Variants in GNAQ observed in about 807,000 individuals in gnomAD.
GNAQ encodes the protein guanine nucleotide-binding protein G(q) subunit alpha.
A neutral mutation model predicts 43.9 loss-of-function variants in GNAQ; 8 were observed. That is an observed-to-expected ratio of 0.18 (90% CI 0.11 to 0.33). The LOEUF (loss-of-function observed/expected upper bound fraction) is 0.33, where lower values mean the gene tolerates loss of function less well. GNAQ is among the 10% of genes least tolerant of loss of function. GNAQ has a pLI of 1.00. For missense variants in GNAQ, 158 were observed against 450.8 expected (o/e 0.35, Z 5.88); for synonymous variants, 155 against 170.7 (o/e 0.91, Z 0.71).
intron 1 of GNAQ, among the ~76,000 whole-genome samples, chr9:77,985,020 G>A (rs1823416052): frequency 6.6e-6 from 1 of 152,152 alleles, no homozygotes; most frequent in African/African-American, 2.4e-5. Flanking sequence ...GTTTTCAAAA[G>A]AGTTTGTGGG....
At chr9:77,953,621 C>T (rs951404462) in intron 1 of GNAQ, among the ~76,000 whole-genome samples, 2 of 152,206 alleles carry the variant, frequency 1.3e-5, no homozygotes, top group Non-Finnish European at 2.9e-5. Context: ...CAGTGAATCC[C>T]TGCACACCCA....
chr9:77,821,801 T>C (rs1288840932), intron 2 of GNAQ, among the ~76,000 whole-genome samples: 1 of 151,834 alleles, frequency 6.6e-6, no homozygotes, highest in Non-Finnish European at 1.5e-5. Context: ...AACTAGTTTA[T>C]CTTCAGAGAG....
intron 3 of GNAQ, 136 bp from the exon 4 acceptor site, chr9:77,797,784 G>T: frequency 1.4e-6 from 1 of 706,824 alleles, no homozygotes; most frequent in Non-Finnish European, 2.3e-6. Flanking sequence ...TGGTAGAGGA[G>T]TCTGTGGAAA....
chr9:77,968,012 C>T (rs970343338), intron 1 of GNAQ, among the ~76,000 whole-genome samples: 4 of 151,874 alleles, frequency 2.6e-5, no homozygotes, highest in African/African-American at 9.7e-5. Context: ...AACAAAAAAA[C>T]ATGTTTAGGT....
At chr9:77,919,976 T>C (rs533509201) in intron 2 of GNAQ, among the ~76,000 whole-genome samples, 269 of 152,080 alleles carry the variant, frequency 1.8e-3, no homozygotes, top group Admixed American at 4.7e-3. Flanking sequence ...CCGTCTCTAC[T>C]AAAAATATAA....
At chr9:77,911,306 CATACAT>C (rs1446192400) in intron 2 of GNAQ, among the ~76,000 whole-genome samples, 1 of 152,206 alleles carries the variant, frequency 6.6e-6, no homozygotes, top group African/African-American at 2.4e-5. Context: ...TTTATTCCCA[CATACAT>C]ATACAATGTA....
intron 5 of GNAQ, among the ~76,000 whole-genome samples, chr9:77,734,517 C>T (rs1261208417): frequency 1.0e-5 from 1 of 95,422 alleles, no homozygotes; most frequent in Non-Finnish European, 3.0e-5. Context: ...CACTGAGGGC[C>T]TGACAGTCAT....
chr9:77,853,774 C>CA (rs34924714), intron 2 of GNAQ, among the ~76,000 whole-genome samples: 22,009 of 56,750 alleles, frequency 0.39, 6,613 homozygotes, highest in East Asian at 0.54. Context: ...AAATTACTAC[C>CA]AAAAAAAAAA....
intron 1 of GNAQ, among the ~76,000 whole-genome samples, chr9:78,012,238 C>CT (rs1166567926): frequency 0.28 from 37,835 of 135,112 alleles, 5,497 homozygotes; most frequent in South Asian, 0.44. Context: ...AAGGCATTTT[C>CT]TTTTTTTTTT....
intron 5 of GNAQ, among the ~76,000 whole-genome samples, chr9:77,735,827 A>G (rs1825570248): frequency 6.6e-6 from 1 of 152,190 alleles, no homozygotes; most frequent in African/African-American, 2.4e-5. Context: ...TAGGGACCTC[A>G]GTGGAAACAT....
At chr9:77,953,100 G>A (rs767137550) in intron 1 of GNAQ, among the ~76,000 whole-genome samples, 4 of 152,168 alleles carry the variant, frequency 2.6e-5, no homozygotes, top group African/African-American at 4.8e-5. Flanking sequence ...GCTGGAAATC[G>A]TTGCTAACAA....
chr9:77,743,028 G>A (rs1387654837), intron 5 of GNAQ, among the ~76,000 whole-genome samples: 1 of 152,204 alleles, frequency 6.6e-6, no homozygotes, highest in Admixed American at 6.5e-5. Flanking sequence ...GGGAGGCCAA[G>A]GTGGGTGGAT....
intron 1 of GNAQ, among the ~76,000 whole-genome samples, chr9:77,966,952 C>T (rs1000341978): frequency 6.6e-6 from 1 of 152,138 alleles, no homozygotes; most frequent in Non-Finnish European, 1.5e-5. Flanking sequence ...CTTTCATTGC[C>T]CTAGGTTCGG....
At chr9:77,774,154 C>T (rs1278943371) in intron 5 of GNAQ, among the ~76,000 whole-genome samples, 1 of 152,138 alleles carries the variant, frequency 6.6e-6, no homozygotes. Flanking sequence ...TTAAGCTTTA[C>T]ACTCTCTGCA....
intron 5 of GNAQ, among the ~76,000 whole-genome samples, chr9:77,763,145 A>AAAC (rs1564103725): frequency 1.8e-4 from 23 of 129,430 alleles, no homozygotes; most frequent in African/African-American, 5.6e-4. Flanking sequence ...AACAAACAAA[A>AAAC]AAAAAAAAAA....
intron 1 of GNAQ, among the ~76,000 whole-genome samples, chr9:77,989,539 A>C (rs1823483088): frequency 6.6e-6 from 1 of 152,238 alleles, no homozygotes; most frequent in African/African-American, 2.4e-5. Context: ...TGCTCCCAAG[A>C]AGAAAACACT....
At chr9:78,024,148 T>C (rs934935923) in intron 1 of GNAQ, among the ~76,000 whole-genome samples, 2 of 152,226 alleles carry the variant, frequency 1.3e-5, no homozygotes, top group Admixed American at 1.3e-4. Context: ...AACAGCTGGA[T>C]CAATTGCTAT....
At chr9:77,761,951 G>A (rs1826037662) in intron 5 of GNAQ, among the ~76,000 whole-genome samples, 1 of 135,024 alleles carries the variant, frequency 7.4e-6, no homozygotes, top group African/African-American at 2.8e-5. Flanking sequence ...GGAGGTGCGG[G>A]GGTCAGCCCC....
chr9:77,785,622 T>C (rs1299064595), intron 5 of GNAQ, among the ~76,000 whole-genome samples: 1 of 152,252 alleles, frequency 6.6e-6, no homozygotes, highest in African/African-American at 2.4e-5. Flanking sequence ...ATAATCTGTA[T>C]ACTTTTCTAT....
Sources: gnomAD v4.1 joint callset for allele counts (sites outside exome capture counted in the v4.1 genomes callset) on GRCh38, gnomAD v4.1.1 for gene constraint, MANE v1.5 for transcripts, NCBI Gene and HGNC (gene_info 2026-07-23, HGNC 2026-07-21) for gene names.